The following LVRN variants were observed in gnomAD, a reference collection of about 807,000 sequenced individuals.
LVRN encodes laeverin, also known as aminopeptidase Q.
Under a neutral mutation model 111.4 loss-of-function variants are expected in LVRN, and 99 were observed. The observed-to-expected ratio is 0.89, with a 90% CI of 0.76 to 1.05. The LOEUF is 1.05. Ranked by LOEUF, LVRN falls within the 50% of genes least tolerant of loss-of-function variation. LVRN has a pLI of 0.00. For missense variants in LVRN, 1,414 were observed against 1,206.8 expected, an observed-to-expected ratio of 1.17 and a Z score of -2.54; for synonymous variants, 488 against 449.5, an observed-to-expected ratio of 1.09 and a Z score of -1.08.
At chr5:116,022,355 C>G in intron 18 of LVRN, 36 bp from the exon 19 acceptor site, 2 of 1,485,874 alleles carry the variant, frequency 1.3e-6, no homozygotes, top group Non-Finnish European at 1.9e-6. Flanking sequence ...TTGCAAAATG[C>G]TTTCCACCCT....
At chr5:116,008,297 T>C (rs935156869) in intron 13 of LVRN, among the ~76,000 whole-genome samples, 1 of 152,062 alleles carries the variant, frequency 6.6e-6, no homozygotes, top group African/African-American at 2.4e-5. Context: ...TGAGCAGAGA[T>C]CATGCCGCTG....
chr5:115,999,803 A>G lies in LVRN; in HGVS notation c.1416A>G (p.Arg472=), dbSNP rs766926676. ...FFSNILHNIL[R]EDHALVTRAV... ...CTAACATTTTACATAATATCCTCAG[A>G]GAAGATCACGCCCTGGTGACTAGAG... The change falls in exon 7 of 20, where the codon AGA becomes AGG. Residue 472 remains arginine (R), a synonymous_variant. Transcript: ENST00000357872. 1.9e-6 allele frequency: 3 copies of G among 1,613,492 alleles called. No homozygotes were observed. Among genetic ancestry groups the G allele is most frequent in the Non-Finnish European group, 1.7e-6 (2 of 1,179,540 alleles).
intron 1 of LVRN, chr5:115,974,494 C>T (rs933517357): frequency 6.6e-6 from 1 of 152,272 alleles, no homozygotes; most frequent in African/African-American, 2.4e-5. Context: ...GCTAGTAACA[C>T]TTTTCAATAA....
intron 13 of LVRN, among the ~76,000 whole-genome samples, chr5:116,009,528 A>T (rs1748444240): frequency 6.6e-6 from 1 of 152,212 alleles, no homozygotes; most frequent in Admixed American, 6.5e-5. Flanking sequence ...TCTGGTAGGG[A>T]TTCATCATTC....
At chr5:115,983,938 T>C (rs1026268571) in intron 2 of LVRN, among the ~76,000 whole-genome samples, 16 of 152,118 alleles carry the variant, frequency 1.1e-4, no homozygotes, top group Admixed American at 9.2e-4. Context: ...AGGACTTTAG[T>C]TGAAAAGGGA....
chr5:116,000,002 T>C, intron 7 of LVRN, 100 bp downstream of exon 7: 2 of 1,308,316 alleles, frequency 1.5e-6, no homozygotes, highest in Non-Finnish European at 2.1e-6. Flanking sequence ...TTAAAACATT[T>C]TATGAAAATA....
At chr5:115,964,231 C>T (rs1580372172) in intron 1 of LVRN, among the ~76,000 whole-genome samples, 1 of 152,100 alleles carries the variant, frequency 6.6e-6, no homozygotes, top group Non-Finnish European at 1.5e-5. Context: ...GCATTTGCGC[C>T]GTACACAACT....
chr5:116,006,002 A>G (rs1239591627), intron 13 of LVRN, 35 bp downstream of exon 13: 47 of 1,506,086 alleles, frequency 3.1e-5, no homozygotes, highest in Non-Finnish European at 4.2e-5. Flanking sequence ...GTTTCAGAAT[A>G]TACCTTGAGA....
chr5:116,001,439 C>A (rs1748238752), intron 10 of LVRN, among the ~76,000 whole-genome samples, 200 bp downstream of exon 10: 1 of 152,174 alleles, frequency 6.6e-6, no homozygotes, highest in South Asian at 2.1e-4. Context: ...GACACAGTGC[C>A]CCTACCCTGG....
intron 18 of LVRN, 145 bp downstream of exon 18, chr5:116,015,910 CTTTGT>C: frequency 9.9e-7 from 1 of 1,013,686 alleles, no homozygotes; most frequent in Non-Finnish European, 1.4e-6. Context: ...ATCATTTTTC[CTTTGT>C]TTAGTCTCAC....
chr5:115,982,087 G>A (rs985748791), intron 1 of LVRN, among the ~76,000 whole-genome samples: 7 of 152,150 alleles, frequency 4.6e-5, no homozygotes, highest in Non-Finnish European at 2.9e-5. Flanking sequence ...TCCAGTCTAT[G>A]CCAGTAAGCA....
At chr5:116,007,888 TTGA>T (rs1489025239) in intron 13 of LVRN, among the ~76,000 whole-genome samples, 1 of 152,228 alleles carries the variant, frequency 6.6e-6, no homozygotes, top group Admixed American at 6.5e-5. Context: ...TGAACAGGAA[TTGA>T]TGATGTTATG....
intron 6 of LVRN, among the ~76,000 whole-genome samples, chr5:115,996,626 G>A (rs1748120015): frequency 1.3e-5 from 2 of 152,116 alleles, no homozygotes; most frequent in African/African-American, 4.8e-5. Context: ...CTATTTCGAG[G>A]TCTAATTTCA....
intron 6 of LVRN, among the ~76,000 whole-genome samples, chr5:115,997,928 C>T (rs930506278): frequency 6.6e-6 from 1 of 152,116 alleles, no homozygotes; most frequent in African/African-American, 2.4e-5. Context: ...TCATCAATTA[C>T]CTTGTATGGT....
At chr5:115,973,322 A>G (rs1753367306) in intron 1 of LVRN, among the ~76,000 whole-genome samples, 1 of 152,080 alleles carries the variant, frequency 6.6e-6, no homozygotes, top group Admixed American at 6.6e-5. Context: ...TTTGCTTAGA[A>G]TTTTTGCTCT....
intron 18 of LVRN, chr5:116,021,709 A>T (rs892464356): frequency 2.2e-6 from 1 of 451,758 alleles, no homozygotes; most frequent in Non-Finnish European, 4.4e-6. Context: ...AATGCACCCA[A>T]AGTCTTTTAT....
intron 15 of LVRN, among the ~76,000 whole-genome samples, chr5:116,012,726 T>C (rs149444982): frequency 6.6e-6 from 1 of 152,352 alleles, no homozygotes; most frequent in African/African-American, 2.4e-5. Flanking sequence ...AAGCCTAGAC[T>C]ACTGGTTGAA....
chr5:115,985,030 G>A (rs1747825338), intron 3 of LVRN, among the ~76,000 whole-genome samples: 1 of 152,152 alleles, frequency 6.6e-6, no homozygotes, highest in South Asian at 2.1e-4. Flanking sequence ...CTGGCACCTT[G>A]ATGTTTGCGT....
At chr5:115,989,584 C>T (rs1252424605) in intron 4 of LVRN, among the ~76,000 whole-genome samples, 1 of 152,112 alleles carries the variant, frequency 6.6e-6, no homozygotes, top group Non-Finnish European at 1.5e-5. Flanking sequence ...TTTCTTTGTG[C>T]CTCTAGAACC....
Sources: allele counts gnomAD v4.1 joint callset (sites outside exome capture counted in the v4.1 genomes callset), GRCh38; gene constraint gnomAD v4.1.1; transcripts MANE v1.5; gene names NCBI Gene and HGNC (gene_info 2026-07-23, HGNC 2026-07-21).